The following LONRF2 variants were observed in gnomAD, a reference collection of about 807,000 sequenced individuals.
The protein encoded by LONRF2 is LON peptidase N-terminal domain and RING finger protein 2.
LONRF2 carries 35 observed loss-of-function variants against 66.6 expected under a neutral mutation model. That is an observed-to-expected ratio of 0.53 (90% CI 0.40 to 0.70). LONRF2 has a LOEUF of 0.70. Ranked by LOEUF, LONRF2 falls within the 30% of genes least tolerant of loss-of-function variation. The pLI is 0.00. For missense variants in LONRF2, 902 were observed against 1,002.1 expected (o/e 0.90, Z 1.35); for synonymous variants, 417 against 418.1 (o/e 1.00, Z 0.03).
intron 10 of LONRF2, among the ~76,000 whole-genome samples, chr2:100,288,386 A>G (rs1385296505): frequency 6.6e-6 from 1 of 152,230 alleles, no homozygotes; most frequent in Non-Finnish European, 1.5e-5. Flanking sequence ...GTGGCTACGT[A>G]CCCTCACTTC....
At chr2:100,307,223 A>G (rs917058935) in intron 2 of LONRF2, among the ~76,000 whole-genome samples, 1 of 151,990 alleles carries the variant, frequency 6.6e-6, no homozygotes, top group Non-Finnish European at 1.5e-5. Context: ...CCCGGCCTAA[A>G]CTTACTTATT....
At chr2:100,319,378 T>TA (rs1292126050) in intron 1 of LONRF2, among the ~76,000 whole-genome samples, 2 of 152,114 alleles carry the variant, frequency 1.3e-5, no homozygotes, top group African/African-American at 4.8e-5. Context: ...ACAGAAAAGC[T>TA]AAAAATATAA....
chr2:100,322,194 C>T lies in LONRF2; in HGVS notation c.-101G>A. 24 of 1,140,772 alleles carry T rather than the reference C, an allele frequency of 2.1e-5. No individual in the cohort carries two copies. Among genetic ancestry groups the T allele is most frequent in the Middle Eastern group, 3.4e-4 (1 of 2,914 alleles). The allele number at this position is 1,140,772 out of a possible 1,614,324, so 70.7% of individuals were successfully genotyped here. On this transcript the variant is annotated 5_prime_UTR_variant, in exon 1 of 12. Transcript: ENST00000393437. ...CCGGCGGGAGCGCGGTCTCAGCCCT[C>T]GCCAGCAGCCACGCGCGTCTGGGGG...
chr2:100,292,154 A>G (rs1035876319), intron 9 of LONRF2, among the ~76,000 whole-genome samples: 1 of 152,198 alleles, frequency 6.6e-6, no homozygotes, highest in African/African-American at 2.4e-5. Context: ...GATCTCATTC[A>G]TAGCATGGTG....
At chr2:100,293,400 G>C (rs1430408416) in intron 9 of LONRF2, among the ~76,000 whole-genome samples, 1 of 152,194 alleles carries the variant, frequency 6.6e-6, no homozygotes, top group Non-Finnish European at 1.5e-5. Context: ...TGGGCACGTA[G>C]GTGGACTATA....
chr2:100,308,091 C>CG (rs1419699506), intron 2 of LONRF2, among the ~76,000 whole-genome samples: 2 of 152,032 alleles, frequency 1.3e-5, no homozygotes, highest in African/African-American at 4.8e-5. Context: ...GGAGGGAGGC[C>CG]GGGCGTGGTG....
chr2:100,308,475 G>A (rs1025828928), intron 2 of LONRF2, among the ~76,000 whole-genome samples: 1 of 152,296 alleles, frequency 6.6e-6, no homozygotes, highest in South Asian at 2.1e-4. Flanking sequence ...GACTAAAAGA[G>A]CATGCTATAG....
chr2:100,316,368 A>T (rs114018889), intron 1 of LONRF2, among the ~76,000 whole-genome samples: 4 of 150,078 alleles, frequency 2.7e-5, no homozygotes, highest in African/African-American at 9.9e-5. Flanking sequence ...ATTATTAGAA[A>T]TTCTAATAAT....
At chr2:100,305,546 G>A (rs566560186) in intron 2 of LONRF2, among the ~76,000 whole-genome samples, 1 of 152,252 alleles carries the variant, frequency 6.6e-6, no homozygotes, top group African/African-American at 2.4e-5. Context: ...TGCTGATGGT[G>A]CCCAGGTTCC....
At position 100,299,300 on chromosome 2, in the gene LONRF2, G is replaced by A; in HGVS notation, c.1287C>T (p.Ser429=). Residue 429 remains serine (S), a synonymous_variant, in exon 6 of 12, where the codon AGC becomes AGT. Coordinates refer to ENST00000393437, the MANE Select transcript of LONRF2 (RefSeq NM_198461.4). ...IPKKDLSLQR[S]PNSETEESQG... ...GACTTTCTTCTGTCTCAGAGTTTGG[G>A]CTCCTTTGAAGTGAGAGATCTGAAT... is the stretch of plus-strand genomic sequence containing the variant. 1 of 1,581,844 alleles carries A rather than the reference G, an allele frequency of 6.3e-7. No homozygotes were observed. The highest frequency in any genetic ancestry group is 2.3e-5 in the East Asian group (1 of 44,220).
intron 1 of LONRF2, among the ~76,000 whole-genome samples, chr2:100,315,436 T>C (rs1352603589): frequency 6.6e-6 from 1 of 152,198 alleles, no homozygotes; most frequent in Non-Finnish European, 1.5e-5. Context: ...TCTTAATACA[T>C]AGCTATCTAG....
At chr2:100,316,841 T>C (rs1675518567) in intron 1 of LONRF2, among the ~76,000 whole-genome samples, 1 of 152,208 alleles carries the variant, frequency 6.6e-6, no homozygotes, top group African/African-American at 2.4e-5. Flanking sequence ...TCTCTCCATA[T>C]GTGTGTGTGT....
At chr2:100,293,106 A>C (rs1198956061) in intron 9 of LONRF2, among the ~76,000 whole-genome samples, 1 of 152,118 alleles carries the variant, frequency 6.6e-6, no homozygotes, top group Non-Finnish European at 1.5e-5. Context: ...TTCTACACGG[A>C]TTCTAAAATC....
chr2:100,305,113 G>A (rs1298005812), intron 2 of LONRF2, among the ~76,000 whole-genome samples: 2 of 152,284 alleles, frequency 1.3e-5, no homozygotes, highest in Admixed American at 1.3e-4. Context: ...TTCACGTAGT[G>A]ATCCTGAGTG....
chr2:100,315,670 G>A (rs1675492352), intron 1 of LONRF2, among the ~76,000 whole-genome samples: 1 of 152,050 alleles, frequency 6.6e-6, no homozygotes, highest in Non-Finnish European at 1.5e-5. Context: ...TGATTTTCCA[G>A]GATTAAACAA....
At chr2:100,292,768 C>G (rs188716199) in intron 9 of LONRF2, among the ~76,000 whole-genome samples, 1 of 152,250 alleles carries the variant, frequency 6.6e-6, no homozygotes, top group Non-Finnish European at 1.5e-5. Context: ...AAAGGCAGTC[C>G]CCAATATTTC....
In LONRF2 at chr2:100,322,251, G is replaced by A. The variant is rs1045806543; in HGVS notation, c.-158C>T. ...GCTGCGAGCGGCTGAGACCGCGGGCGGGGGCGGGCGCCTGGCTTGGGCAGC... is the reference window on the plus strand; with the variant it reads ...GCTGCGAGCGGCTGAGACCGCGGGCAGGGGCGGGCGCCTGGCTTGGGCAGC... On this transcript the variant is annotated 5_prime_UTR_variant, in exon 1 of 12. Transcript: ENST00000393437. 3 of 687,404 alleles carry A rather than the reference G, an allele frequency of 4.4e-6. No individual in the cohort carries two copies. Among genetic ancestry groups the A allele is most frequent in the Non-Finnish European group, 5.9e-6 (3 of 505,058 alleles). The allele number at this position is 687,404 out of a possible 1,614,324, so 42.6% of individuals were successfully genotyped here.
rs965487495 is a variant in LONRF2 at position 100,275,601 on chromosome 2, C to G, written c.*8697G>C. 1.3e-5 allele frequency: 2 copies of G among 152,198 alleles called. No individual in the cohort carries two copies. Among genetic ancestry groups the G allele is most frequent in the African/African-American group, 4.8e-5 (2 of 41,444 alleles). The allele number at this position is 152,198 out of a possible 1,614,324, so 9.4% of individuals were successfully genotyped here. A position where few individuals can be genotyped will look rare whatever the true frequency, so the allele number is the denominator to read the frequency against. On this transcript the variant is annotated 3_prime_UTR_variant, in exon 12 of 12. Transcript: ENST00000393437. Reference sequence around the variant, plus strand: ...AGCCTTGCAGCTGTTGTGACTCATTCCTCAATCCGGTGGGATGCAAAGGAT... The same window carrying G: ...AGCCTTGCAGCTGTTGTGACTCATTGCTCAATCCGGTGGGATGCAAAGGAT...
In LONRF2 at chr2:100,299,699, TG is replaced by T. The variant is rs749070386; in HGVS notation, c.1267+17del. On this transcript the variant is annotated intron_variant, in intron 5 of 11. Transcript: ENST00000393437. ...ACTTTGGAGTCACAGAACTGCCTGA[TG>T]AAAACAGTTCACTGACCTTTCTTGG... 1.9e-6 allele frequency: 3 copies of T among 1,608,352 alleles called. No individual in the cohort carries two copies. In the East Asian group the frequency reaches 6.7e-5, roughly 36 times the overall value.
Sources: gnomAD v4.1 joint callset for allele counts (sites outside exome capture counted in the v4.1 genomes callset) on GRCh38, gnomAD v4.1.1 for gene constraint, MANE v1.5 for transcripts, NCBI Gene and HGNC (gene_info 2026-07-23, HGNC 2026-07-21) for gene names.